The following GLIS3 variants were observed in gnomAD, a reference collection of about 807,000 sequenced individuals.
GLIS3 encodes GLIS family zinc finger 3, also known as zinc finger protein GLIS3.
In GLIS3, 53 loss-of-function variants were observed where a neutral mutation model predicts 78.6. The ratio of observed to expected loss-of-function variants is 0.67; its 90% CI spans 0.54 to 0.85. The LOEUF (loss-of-function observed/expected upper bound fraction) is 0.85, where lower values mean the gene tolerates loss of function less well. Among genes scored for constraint, GLIS3 ranks in the 40% least tolerant of loss-of-function variants. The pLI, the probability that GLIS3 is intolerant of heterozygous loss-of-function variation, is 0.00. For missense variants in GLIS3, 1,703 were observed against 1,231.1 expected (o/e 1.38, Z -5.74); for synonymous variants, 684 against 509.9 (o/e 1.34, Z -4.60).
At chr9:4,269,814 A>C (rs1826344110) in intron 2 of GLIS3, among the ~76,000 whole-genome samples, 1 of 152,210 alleles carries the variant, frequency 6.6e-6, no homozygotes, top group South Asian at 2.1e-4. Flanking sequence ...GCACAGGTTT[A>C]GACGGAGGGC....
At chr9:4,475,828 T>C in the GLIS3 span, among the ~76,000 whole-genome samples, 11 of 152,216 alleles carry the variant, frequency 7.2e-5, no homozygotes. Context: ...AGTCGCTACC[T>C]ACAGTGGGAG....
the GLIS3 span, among the ~76,000 whole-genome samples, chr9:4,468,002 C>G: frequency 7.2e-5 from 11 of 151,940 alleles, no homozygotes; most frequent in African/African-American, 2.7e-4. Context: ...GCACAAGGTT[C>G]AGTAGTCGAT....
At chr9:4,203,954 T>C (rs1447734408) in intron 2 of GLIS3, among the ~76,000 whole-genome samples, 2 of 152,182 alleles carry the variant, frequency 1.3e-5, no homozygotes, top group African/African-American at 2.4e-5. Flanking sequence ...TGAAGACTAC[T>C]ACAGTGGGGA....
At chr9:4,312,669 G>A (rs1298019760) in intron 2 of GLIS3, among the ~76,000 whole-genome samples, 4 of 152,112 alleles carry the variant, frequency 2.6e-5, no homozygotes, top group African/African-American at 9.7e-5. Context: ...TGTTACCTTA[G>A]GCCTTTTCTA....
chr9:4,437,459 T>A, the GLIS3 span, among the ~76,000 whole-genome samples: 1 of 106,796 alleles, frequency 9.4e-6, no homozygotes, highest in African/African-American at 2.9e-5. Context: ...TATCTATCTA[T>A]CTATCTATCT....
chr9:4,127,424 C>T (rs780637313), intron 2 of GLIS3, among the ~76,000 whole-genome samples: 3 of 152,112 alleles, frequency 2.0e-5, no homozygotes, highest in African/African-American at 4.8e-5. Flanking sequence ...TTGACCCCTC[C>T]CATTGCAGTT....
rs570793251 is a variant in GLIS3, at chr9:3,968,701, T to C, written c.1711-31512A>G. On this transcript the variant is annotated intron_variant, in intron 4 of 10. Coordinates refer to ENST00000381971, the MANE Select transcript of GLIS3 (RefSeq NM_001042413.2). The stretch of plus-strand genomic sequence containing the variant: ...TATATCCAGGAAACTACATAAATGA[T>C]AGTACAATTCAGTTAATTGTTATAA... Among the ~76,000 whole-genome samples the C allele has an allele frequency of 5.3e-5, 8 of 152,312 alleles. No individual in the cohort carries two copies. In the East Asian group the frequency reaches 1.5e-3, roughly 29 times the overall value.
intron 2 of GLIS3, among the ~76,000 whole-genome samples, chr9:4,205,175 CAA>C (rs200420029): frequency 0.021 from 2,669 of 124,700 alleles, 88 homozygotes; most frequent in African/African-American, 0.073. Context: ...GAGACTCTGT[CAA>C]AAAAAAAAAA....
At chr9:4,087,794 C>G in intron 4 of GLIS3, among the ~76,000 whole-genome samples, 1 of 152,158 alleles carries the variant, frequency 6.6e-6, no homozygotes, top group East Asian at 1.9e-4. Context: ...CTACACAGTC[C>G]AGGCCTGACC....
chr9:4,040,995 C>T (rs1824766882), intron 4 of GLIS3, among the ~76,000 whole-genome samples: 1 of 152,156 alleles, frequency 6.6e-6, no homozygotes. Context: ...AATCCTGTCC[C>T]ACCTCGTGAT....
intron 2 of GLIS3, among the ~76,000 whole-genome samples, chr9:4,281,204 G>A (rs1386418047): frequency 2.6e-5 from 4 of 152,104 alleles, no homozygotes; most frequent in Non-Finnish European, 5.9e-5. Flanking sequence ...TCAAATTTTG[G>A]AGTAAGATTG....
the GLIS3 span, among the ~76,000 whole-genome samples, chr9:4,361,727 A>T: frequency 6.6e-6 from 1 of 152,210 alleles, no homozygotes; most frequent in Non-Finnish European, 1.5e-5. Context: ...GTCGGCATTA[A>T]AAGTCAGTGA....
chr9:4,392,094 G>T, the GLIS3 span, among the ~76,000 whole-genome samples: 7 of 152,254 alleles, frequency 4.6e-5, no homozygotes, highest in Admixed American at 2.0e-4. Context: ...CATGTCCTTT[G>T]CAGGGACATG....
chr9:3,937,036 G>A lies in GLIS3; in HGVS notation c.1864C>T (p.Leu622=). The change falls in exon 5 of 11, where the codon CTG becomes TTG. Residue 622 remains leucine (L), a synonymous_variant. Transcript: ENST00000381971. ...GCTCCTGCCATTCTTACGGTGTCCA[G>A]ATGCGTCCGCTGGTGTTTGGCGCGG... ...SDRAKHQRTH[L]DTKPYACQIP... 1 of 1,612,792 alleles carries A rather than the reference G, an allele frequency of 6.2e-7. No individual in the cohort carries two copies. Among genetic ancestry groups the A allele is most frequent in the Non-Finnish European group, 8.5e-7 (1 of 1,179,960 alleles).
intron 4 of GLIS3, among the ~76,000 whole-genome samples, chr9:3,989,125 G>A (rs1010291679): frequency 3.9e-5 from 6 of 152,066 alleles, no homozygotes; most frequent in Non-Finnish European, 8.8e-5. Flanking sequence ...ATATACAGAC[G>A]GTAAATAAGC....
intron 9 of GLIS3, among the ~76,000 whole-genome samples, chr9:3,846,450 A>G (rs995869766): frequency 1.3e-5 from 2 of 152,188 alleles, no homozygotes; most frequent in African/African-American, 2.4e-5. Context: ...AAAAATAACA[A>G]TAACAGCTGC....
chr9:4,025,122 C>T (rs1305853620), intron 4 of GLIS3, among the ~76,000 whole-genome samples: 2 of 151,988 alleles, frequency 1.3e-5, no homozygotes, highest in Admixed American at 6.6e-5. Flanking sequence ...CGTGGTGGTG[C>T]ACACCTGTAA....
intron 2 of GLIS3, among the ~76,000 whole-genome samples, chr9:4,274,189 T>C (rs759090587): frequency 1.7e-4 from 26 of 152,168 alleles, no homozygotes; most frequent in Non-Finnish European, 3.2e-4. Context: ...AAAGTCCATG[T>C]TGTTTCCCTA....
chr9:4,155,959 C>T (rs910203205), intron 2 of GLIS3, among the ~76,000 whole-genome samples: 1 of 152,178 alleles, frequency 6.6e-6, no homozygotes, highest in African/African-American at 2.4e-5. Context: ...CATTTATCCC[C>T]TATTATTCAC....
Sources: gnomAD v4.1 joint callset for allele counts (sites outside exome capture counted in the v4.1 genomes callset) on GRCh38, gnomAD v4.1.1 for gene constraint, MANE v1.5 for transcripts, NCBI Gene and HGNC (gene_info 2026-07-23, HGNC 2026-07-21) for gene names.